OR4C16: variants seen among roughly 807,000 people sequenced by gnomAD.
The protein encoded by OR4C16 is olfactory receptor 4C16.
OR4C16 carries 24 observed loss-of-function variants against 14.4 expected under a neutral mutation model. The ratio of observed to expected loss-of-function variants is 1.66; its 90% CI spans 1.21 to 2.34. The LOEUF is 2.34. OR4C16 is among the 30% of genes most tolerant of loss of function. OR4C16 has a pLI of 0.00. For synonymous variants in OR4C16, 233 were observed against 133.5 expected, an observed-to-expected ratio of 1.75 and a Z score of -5.14; for missense variants, 674 against 364.2, an observed-to-expected ratio of 1.85 and a Z score of -6.92.
In OR4C16 at chr11:55,572,625, C is replaced by T. The variant is rs1304763336; in HGVS notation, c.498C>T (p.Phe166=). The T allele has an allele frequency of 1.9e-6, 3 of 1,614,026 alleles. No individual in the cohort carries two copies. Among genetic ancestry groups the T allele is most frequent in the Admixed American group, 1.7e-5 (1 of 59,996 alleles). The change falls in exon 1 of 1, where the codon TTC becomes TTT. Residue 166 remains phenylalanine (F), a synonymous_variant. Coordinates refer to ENST00000623907, the MANE Select transcript of OR4C16 (RefSeq NM_001004701.2). ...VQIFLALSLP[F]CGPNVINHCF... is the part of the protein sequence containing the mutation. ...TTTTTCTTGCCCTGAGTTTGCCATT[C>T]TGTGGCCCCAATGTGATCAATCACT... is the stretch of plus-strand genomic sequence containing the variant.
rs1374640502 is a variant in OR4C16 at position 55,572,438 on chromosome 11, T to C, written c.311T>C (p.Val104Ala). The C allele has an allele frequency of 1.2e-6, 2 of 1,613,948 alleles. No homozygotes were observed. Among genetic ancestry groups the C allele is most frequent in the Admixed American group, 1.7e-5 (1 of 59,982 alleles). The change falls in exon 1 of 1, where the codon GTC becomes GCC. Residue 104 changes from valine to alanine, a missense_variant. Val to Ala is a moderately conservative substitution (Grantham distance 64, BLOSUM62 0). Transcript: ENST00000623907. ...ATGATCCAAGTCTTTTCATCCCATG[T>C]CTTTGGCTGCCTGGAGATCTTCATC... ...ECMIQVFSSH[V>A]FGCLEIFILI...
chr11:55,572,862 C>T lies in OR4C16; in HGVS notation c.735C>T (p.Val245=). 2 of 1,613,708 alleles carry T rather than the reference C, an allele frequency of 1.2e-6. No homozygotes were observed. Among genetic ancestry groups the T allele is most frequent in the Non-Finnish European group, 8.5e-7 (1 of 1,179,658 alleles). The change falls in exon 1 of 1, where the codon GTC becomes GTT. Residue 245 remains valine (V), a synonymous_variant. Coordinates refer to ENST00000623907, the MANE Select transcript of OR4C16 (RefSeq NM_001004701.2). Reference sequence around the variant, plus strand: ...CATGTGTCTCCCACATCATTGTGGTCATCTTGTTCTTTGGACCTTGCATAT... The same window carrying T: ...CATGTGTCTCCCACATCATTGTGGTTATCTTGTTCTTTGGACCTTGCATAT... The part of the protein sequence containing the change: ...LSTCVSHIIV[V]ILFFGPCIFM...
At position 55,572,293 on chromosome 11, in the gene OR4C16, C is replaced by A. The variant is rs766646718; in HGVS notation, c.166C>A (p.Pro56Thr). 6.2e-7 allele frequency: 1 copy of A among 1,612,570 alleles called. No homozygotes were observed. Among genetic ancestry groups the A allele is most frequent in the Non-Finnish European group, 8.5e-7 (1 of 1,179,036 alleles). Residue 56 changes from proline (P) to threonine (T), a missense_variant, in exon 1 of 1, where the codon CCA becomes ACA. By Grantham distance (38) the Pro-to-Thr change is conservative. Transcript: ENST00000623907. ...CAAGACCAGCCAGGCACTTAAGAACCCAATGTTCTTCTTCCTTTTCTACTT... is the reference window on the plus strand; with the variant it reads ...CAAGACCAGCCAGGCACTTAAGAACACAATGTTCTTCTTCCTTTTCTACTT... The part of the protein sequence containing the change: ...SVKTSQALKN[P>T]MFFFLFYLSL...
In OR4C16 at chr11:55,572,815, G is replaced by T; in HGVS notation, c.688G>T (p.Val230Leu). 1.2e-6 allele frequency: 2 copies of T among 1,614,012 alleles called. No homozygotes were observed. The highest frequency in any genetic ancestry group is 8.5e-7 in the Non-Finnish European group (1 of 1,179,874). The change falls in exon 1 of 1, where the codon GTG becomes TTG. Residue 230 changes from valine to leucine, a missense_variant. Physicochemically the swap from Val to Leu is conservative, Grantham distance 32. Transcript: ENST00000623907. Reference protein sequence around the residue: ...LHSLRNHSAEVIKKALSTCVS... With the variant: ...LHSLRNHSAELIKKALSTCVS... The stretch of plus-strand genomic sequence containing the variant: ...TTCTCTGAGAAACCACAGTGCTGAA[G>T]TGATAAAGAAAGCACTTTCCACATG...
In OR4C16 at chr11:55,573,002, T is replaced by A. The variant is rs550446440; in HGVS notation, c.875T>A (p.Val292Glu). ...PVIYTLKNTE[V>E]KSAMRKLWSK... Reference sequence around the variant, plus strand: ...ATTTACACGCTGAAGAATACAGAAGTGAAAAGTGCCATGAGGAAGCTTTGG... The same window carrying A: ...ATTTACACGCTGAAGAATACAGAAGAGAAAAGTGCCATGAGGAAGCTTTGG... Residue 292 changes from valine (V) to glutamate (E), a missense_variant, in exon 1 of 1, where the codon GTG (valine) becomes GAG (glutamate). Coordinates refer to ENST00000623907, the MANE Select transcript of OR4C16 (RefSeq NM_001004701.2). 1.2e-4 allele frequency: 197 copies of A among 1,597,650 alleles called. No homozygotes were observed. The South Asian group carries it at 2.2e-3, about 17-fold the overall frequency.
Position 55,572,502 on chromosome 11 carries a change from T to C in OR4C16, c.375T>C (p.Cys125=). 6.2e-7 allele frequency: 1 copy of C among 1,614,142 alleles called. No individual in the cohort carries two copies. Among genetic ancestry groups the C allele is most frequent in the Non-Finnish European group, 8.5e-7 (1 of 1,180,022 alleles). ...CTGTTGACCGCTATGTGGACATCTG[T>C]AAGCCCCTGCACTACATGACCATCA... ...LTAVDRYVDI[C]KPLHYMTIIS... The change falls in exon 1 of 1, where the codon TGT becomes TGC. Residue 125 remains cysteine, a synonymous_variant. Transcript: ENST00000623907.
rs1324970841 is a variant in OR4C16 at position 55,572,524 on chromosome 11, A to T, written c.397A>T (p.Ile133Phe). 7.4e-6 allele frequency: 12 copies of T among 1,613,960 alleles called. No homozygotes were observed. Among genetic ancestry groups the T allele is most frequent in the Non-Finnish European group, 1.0e-5 (12 of 1,180,006 alleles). The change falls in exon 1 of 1, where the codon ATC becomes TTC. Residue 133 changes from isoleucine to phenylalanine, a missense_variant. Coordinates refer to ENST00000623907, the MANE Select transcript of OR4C16 (RefSeq NM_001004701.2). ...DICKPLHYMT[I>F]ISQWVCGVLM... ...CTGTAAGCCCCTGCACTACATGACC[A>T]TCATAAGCCAGTGGGTCTGTGGTGT... is the stretch of plus-strand genomic sequence containing the variant.
In OR4C16 at chr11:55,572,574, A is replaced by T; in HGVS notation, c.447A>T (p.Gly149=). ...CGVLMAVAWV[G]SCVHSLVQIF... ...TTTTGATGGCTGTGGCCTGGGTGGG[A>T]TCCTGTGTGCATTCTTTAGTTCAGA... The change falls in exon 1 of 1, where the codon GGA becomes GGT. Residue 149 remains glycine (G), a synonymous_variant. Coordinates refer to ENST00000623907, the MANE Select transcript of OR4C16 (RefSeq NM_001004701.2). The T allele has an allele frequency of 6.2e-7, 1 of 1,613,960 alleles. No homozygotes were observed. Among genetic ancestry groups the T allele is most frequent in the Non-Finnish European group, 8.5e-7 (1 of 1,179,970 alleles).
chr11:55,572,201 T>G lies in OR4C16; in HGVS notation c.74T>G (p.Val25Gly). The G allele has an allele frequency of 6.2e-7, 1 of 1,611,068 alleles. No homozygotes were observed. The highest frequency in any genetic ancestry group is 2.2e-5 in the East Asian group (1 of 44,816). The change falls in exon 1 of 1, where the codon GTG becomes GGG. Residue 25 changes from valine (V) to glycine (G), a missense_variant. By Grantham distance (109) the Val-to-Gly change is moderately radical. Transcript: ENST00000623907. ...LTQDPFWKKI[V>G]FVIFLRLYLG... ...CAGGATCCTTTTTGGAAGAAAATAG[T>G]GTTTGTTATTTTTTTGCGTCTCTAC...
Position 55,572,984 on chromosome 11 carries a change from C to G in OR4C16, c.857C>G (p.Thr286Arg). The G allele has an allele frequency of 6.2e-7, 1 of 1,611,298 alleles. No homozygotes were observed. Among genetic ancestry groups the G allele is most frequent in the Non-Finnish European group, 8.5e-7 (1 of 1,178,280 alleles). ...TCTTTTCTCAACCCTGTGATTTACA[C>G]GCTGAAGAATACAGAAGTGAAAAGT... ...GTSFLNPVIY[T>R]LKNTEVKSAM... The change falls in exon 1 of 1, where the codon ACG becomes AGG. Residue 286 changes from threonine (T) to arginine (R), a missense_variant. Coordinates refer to ENST00000623907, the MANE Select transcript of OR4C16 (RefSeq NM_001004701.2).
Position 55,572,848 on chromosome 11 carries a change from C to A in OR4C16, c.721C>A (p.His241Asn), listed in dbSNP as rs1452991979. 1 of 1,613,812 alleles carries A rather than the reference C, an allele frequency of 6.2e-7. No homozygotes were observed. The highest frequency in any genetic ancestry group is 1.7e-5 in the Admixed American group (1 of 60,002). The change falls in exon 1 of 1, where the codon CAC becomes AAC. Residue 241 changes from histidine (H) to asparagine (N), a missense_variant. His to Asn is a moderately conservative substitution (Grantham distance 68). Transcript: ENST00000623907. ...GAAAGCACTTTCCACATGTGTCTCC[C>A]ACATCATTGTGGTCATCTTGTTCTT... The part of the protein sequence containing the change: ...IKKALSTCVS[H>N]IIVVILFFGP...
In OR4C16 at chr11:55,572,435, A is replaced by G. The variant is rs1311002033; in HGVS notation, c.308A>G (p.His103Arg). 1 of 1,613,922 alleles carries G rather than the reference A, an allele frequency of 6.2e-7. No individual in the cohort carries two copies. Among genetic ancestry groups the G allele is most frequent in the Non-Finnish European group, 8.5e-7 (1 of 1,179,976 alleles). Residue 103 changes from histidine (H) to arginine (R), a missense_variant, in exon 1 of 1, where the codon CAT becomes CGT. Transcript: ENST00000623907. ...SECMIQVFSS[H>R]VFGCLEIFIL... ...TGCATGATCCAAGTCTTTTCATCCC[A>G]TGTCTTTGGCTGCCTGGAGATCTTC...
At position 55,572,424 on chromosome 11, in the gene OR4C16, C is replaced by T. The variant is rs1554964837; in HGVS notation, c.297C>T (p.Val99=). 1.2e-6 allele frequency: 2 copies of T among 1,614,026 alleles called. No homozygotes were observed. The highest frequency in any genetic ancestry group is 8.5e-7 in the Non-Finnish European group (1 of 1,179,990). ...CCTTCAGCGAGTGCATGATCCAAGTCTTTTCATCCCATGTCTTTGGCTGCC... is the reference window on the plus strand; with the variant it reads ...CCTTCAGCGAGTGCATGATCCAAGTTTTTTCATCCCATGTCTTTGGCTGCC... The part of the protein sequence containing the change: ...TISFSECMIQ[V]FSSHVFGCLE... The change falls in exon 1 of 1, where the codon GTC becomes GTT. Residue 99 remains valine, a synonymous_variant. Coordinates refer to ENST00000623907, the MANE Select transcript of OR4C16 (RefSeq NM_001004701.2).
chr11:55,572,929 A>T lies in OR4C16; in HGVS notation c.802A>T (p.Met268Leu). 1 of 1,613,476 alleles carries T rather than the reference A, an allele frequency of 6.2e-7. No homozygotes were observed. The highest frequency in any genetic ancestry group is 1.1e-5 in the South Asian group (1 of 91,046). Residue 268 changes from methionine to leucine, a missense_variant, in exon 1 of 1, where the codon ATG (methionine) becomes TTG (leucine). Physicochemically the swap from Met to Leu is conservative, Grantham distance 15. Coordinates refer to ENST00000623907, the MANE Select transcript of OR4C16 (RefSeq NM_001004701.2). The part of the protein sequence containing the change: ...CLATVFPMDK[M>L]IAVFYTVGTS... ...TGCAACCGTATTCCCCATGGATAAG[A>T]TGATAGCTGTATTTTATACAGTTGG...
Position 55,572,508 on chromosome 11 carries a change from C to T in OR4C16, c.381C>T (p.Pro127=), listed in dbSNP as rs746088657. Residue 127 remains proline (P), a synonymous_variant, in exon 1 of 1, where the codon CCC becomes CCT. Transcript: ENST00000623907. Reference sequence around the variant, plus strand: ...ACCGCTATGTGGACATCTGTAAGCCCCTGCACTACATGACCATCATAAGCC... The same window carrying T: ...ACCGCTATGTGGACATCTGTAAGCCTCTGCACTACATGACCATCATAAGCC... The part of the protein sequence containing the change: ...AVDRYVDICK[P]LHYMTIISQW... 1.5e-4 allele frequency: 238 copies of T among 1,613,904 alleles called. 1 individual carries two copies. The highest frequency in any genetic ancestry group is 3.3e-4 in the Admixed American group (20 of 59,978).
Position 55,572,646 on chromosome 11 carries a change from T to C in OR4C16, c.519T>C (p.Asn173=), listed in dbSNP as rs1857401106. ...SLPFCGPNVI[N]HCFCDLQPLL... is the part of the protein sequence containing the mutation. ...CATTCTGTGGCCCCAATGTGATCAATCACTGTTTCTGTGACTTGCAGCCCT... is the reference window on the plus strand; with the variant it reads ...CATTCTGTGGCCCCAATGTGATCAACCACTGTTTCTGTGACTTGCAGCCCT... Residue 173 remains asparagine (N), a synonymous_variant, in exon 1 of 1, where the codon AAT becomes AAC. Coordinates refer to ENST00000623907, the MANE Select transcript of OR4C16 (RefSeq NM_001004701.2). The C allele has an allele frequency of 6.2e-7, 1 of 1,614,092 alleles. No individual in the cohort carries two copies. The highest frequency in any genetic ancestry group is 1.7e-5 in the Admixed American group (1 of 60,012).
At position 55,572,482 on chromosome 11, in the gene OR4C16, G is replaced by A. The variant is rs553968168; in HGVS notation, c.355G>A (p.Asp119Asn). The A allele has an allele frequency of 2.1e-5, 34 of 1,614,008 alleles. No individual in the cohort carries two copies. In the East Asian group the frequency reaches 6.7e-4, roughly 32 times the overall value. ...CTTCATCCTCATCCTCACGGCTGTTGACCGCTATGTGGACATCTGTAAGCC... is the reference window on the plus strand; with the variant it reads ...CTTCATCCTCATCCTCACGGCTGTTAACCGCTATGTGGACATCTGTAAGCC... ...EIFILILTAV[D>N]RYVDICKPLH... The change falls in exon 1 of 1, where the codon GAC becomes AAC. Residue 119 changes from aspartate to asparagine, a missense_variant. Asp to Asn is a conservative substitution (Grantham distance 23). Transcript: ENST00000623907.
rs1195846331 is a variant in OR4C16, at chr11:55,572,345, C to A, written c.218C>A (p.Thr73Asn). The stretch of plus-strand genomic sequence containing the variant: ...TCCTTATCTGATACTTGCCTCTCTA[C>A]TTCCATAACCCCTAGAATGATTGTG... Reference protein sequence around the residue: ...YLSLSDTCLSTSITPRMIVDA... With the variant: ...YLSLSDTCLSNSITPRMIVDA... The change falls in exon 1 of 1, where the codon ACT (threonine) becomes AAT (asparagine). Residue 73 changes from threonine to asparagine, a missense_variant. Coordinates refer to ENST00000623907, the MANE Select transcript of OR4C16 (RefSeq NM_001004701.2). 3.1e-6 allele frequency: 5 copies of A among 1,613,226 alleles called. No homozygotes were observed. The highest frequency in any genetic ancestry group is 4.2e-6 in the Non-Finnish European group (5 of 1,179,254).
At position 55,572,719 on chromosome 11, in the gene OR4C16, G is replaced by A. The variant is rs1426054981; in HGVS notation, c.592G>A (p.Val198Ile). 1.9e-6 allele frequency: 3 copies of A among 1,613,626 alleles called. No homozygotes were observed. The highest frequency in any genetic ancestry group is 3.3e-5 in the Admixed American group (2 of 59,986). Residue 198 changes from valine (V) to isoleucine (I), a missense_variant, in exon 1 of 1, where the codon GTT (valine) becomes ATT (isoleucine). By Grantham distance (29) the Val-to-Ile change is conservative (BLOSUM62 3). Transcript: ENST00000623907. Reference sequence around the variant, plus strand: ...AACCTATGTGGTTAACCTACTCCTGGTTTCCAATAGTGGGGCCATTTGTGC... The same window carrying A: ...AACCTATGTGGTTAACCTACTCCTGATTTCCAATAGTGGGGCCATTTGTGC... Reference protein sequence around the residue: ...SETYVVNLLLVSNSGAICAVS... With the variant: ...SETYVVNLLLISNSGAICAVS...
Sources: gnomAD v4.1 joint callset for allele counts on GRCh38, gnomAD v4.1.1 for gene constraint, MANE v1.5 for transcripts, NCBI Gene and HGNC (gene_info 2026-07-23, HGNC 2026-07-21) for gene names.